The following DLGAP1 variants were observed in gnomAD, a reference collection of about 807,000 sequenced individuals.
DLGAP1 encodes disks large-associated protein 1.
In DLGAP1, 11 loss-of-function variants were observed where a neutral mutation model predicts 90.8. The ratio of observed to expected loss-of-function variants is 0.12; its 90% confidence interval spans 0.08 to 0.20. DLGAP1 has a LOEUF of 0.20. DLGAP1 is among the 10% of genes least tolerant of loss of function. DLGAP1 has a pLI of 1.00. For missense variants in DLGAP1, 1,050 were observed against 1,333.8 expected (o/e 0.79, Z 3.31); for synonymous variants, 558 against 540.7 (o/e 1.03, Z -0.44).
chr18:4,311,694 C>G (rs2080401527), intron 1 of DLGAP1, among the ~76,000 whole-genome samples: 1 of 152,008 alleles, frequency 6.6e-6, no homozygotes, highest in East Asian at 1.9e-4. Context: ...GATATGTGCT[C>G]CTCTAGATCC....
At chr18:4,003,575 G>T (rs1375185966) in intron 3 of DLGAP1, among the ~76,000 whole-genome samples, 2 of 151,826 alleles carry the variant, frequency 1.3e-5, no homozygotes, top group Admixed American at 1.3e-4. Context: ...GAGATAAAAG[G>T]TATTGAATGG....
chr18:4,299,716 A>C (rs1471766979), intron 1 of DLGAP1, among the ~76,000 whole-genome samples: 4 of 152,210 alleles, frequency 2.6e-5, no homozygotes, highest in Admixed American at 2.6e-4. Flanking sequence ...AAACAAACAA[A>C]ATACCAGAAG....
At chr18:3,562,467 A>G (rs1415426714) in intron 9 of DLGAP1, among the ~76,000 whole-genome samples, 2 of 150,310 alleles carry the variant, frequency 1.3e-5, no homozygotes, top group African/African-American at 4.9e-5. Context: ...TGTTCTCATG[A>G]TAACGAGTGG....
At chr18:4,076,554 T>G (rs969144952) in intron 2 of DLGAP1, among the ~76,000 whole-genome samples, 1 of 152,194 alleles carries the variant, frequency 6.6e-6, no homozygotes, top group East Asian at 1.9e-4. Flanking sequence ...TTAAATACTT[T>G]AATCTCATCA....
At chr18:3,716,977 A>C (rs1049787229) in intron 7 of DLGAP1, among the ~76,000 whole-genome samples, 1 of 151,094 alleles carries the variant, frequency 6.6e-6, no homozygotes, top group African/African-American at 2.4e-5. Flanking sequence ...AAAATTTAAA[A>C]ATTTTTTTAG....
chr18:3,860,038 G>T (rs1024061718), intron 4 of DLGAP1, among the ~76,000 whole-genome samples: 4 of 151,360 alleles, frequency 2.6e-5, no homozygotes, highest in Non-Finnish European at 5.9e-5. Flanking sequence ...GGTGGAGCTT[G>T]CAGTGAGCCG....
At chr18:3,771,956 T>C (rs1016563937) in intron 5 of DLGAP1, among the ~76,000 whole-genome samples, 1 of 152,224 alleles carries the variant, frequency 6.6e-6, no homozygotes, top group African/African-American at 2.4e-5. Context: ...TTCTGTGGCT[T>C]AAGCTGCAAG....
Position 3,581,926 on chromosome 18 carries a change from G to C in DLGAP1, c.1914C>G (p.Asp638Glu), listed in dbSNP as rs766896879. ...TTTIATVTTE[D>E]RKKDHFKKNR... Reference sequence around the variant, plus strand: ...TTTTCTTAAAGTGGTCCTTCTTCCTGTCCTCCGTGGTGACGGTGGCTATGG... The same window carrying C: ...TTTTCTTAAAGTGGTCCTTCTTCCTCTCCTCCGTGGTGACGGTGGCTATGG... The change falls in exon 8 of 13, where the codon GAC becomes GAG. Residue 638 changes from aspartate to glutamate, a missense_variant. This residue lies in a region of DLGAP1 where 565 missense variants were observed against 879.7 expected (regional missense o/e 0.64). Transcript: ENST00000315677. The C allele has an allele frequency of 6.8e-6, 11 of 1,614,058 alleles. No homozygotes were observed. The East Asian group carries it at 2.5e-4, about 36-fold the overall frequency.
intron 7 of DLGAP1, among the ~76,000 whole-genome samples, chr18:3,598,934 G>A (rs982657136): frequency 6.6e-5 from 10 of 151,348 alleles, no homozygotes; most frequent in Admixed American, 2.0e-4. Flanking sequence ...CACCACACCC[G>A]GCTAATGTTT....
chr18:4,098,638 C>T (rs963540507), intron 2 of DLGAP1, among the ~76,000 whole-genome samples: 1 of 152,066 alleles, frequency 6.6e-6, no homozygotes, highest in African/African-American at 2.4e-5. Flanking sequence ...ATTGAGAAAA[C>T]CGCCAATAGA....
intron 5 of DLGAP1, among the ~76,000 whole-genome samples, chr18:3,779,804 T>C (rs1311856361): frequency 6.6e-6 from 1 of 151,858 alleles, no homozygotes; most frequent in African/African-American, 2.4e-5. Flanking sequence ...CTTTTTTTTT[T>C]TGAGAGAGGG....
At chr18:3,663,977 T>C (rs1268439310) in intron 7 of DLGAP1, among the ~76,000 whole-genome samples, 2 of 152,164 alleles carry the variant, frequency 1.3e-5, no homozygotes, top group South Asian at 2.1e-4. Flanking sequence ...AAAGACAAAG[T>C]AAGAGAGAAT....
chr18:3,627,397 C>T (rs1412149285), intron 7 of DLGAP1, among the ~76,000 whole-genome samples: 4 of 152,054 alleles, frequency 2.6e-5, no homozygotes, highest in African/African-American at 9.7e-5. Flanking sequence ...TTGTTCAGTC[C>T]AATGTGTTGT....
intron 1 of DLGAP1, among the ~76,000 whole-genome samples, chr18:4,300,224 C>A (rs535114822): frequency 6.6e-6 from 1 of 152,190 alleles, no homozygotes; most frequent in Non-Finnish European, 1.5e-5. Flanking sequence ...TTATTTAATG[C>A]CATATGATTG....
In DLGAP1 at chr18:3,856,160, T is replaced by C. The variant is rs77366186; in HGVS notation, c.957+22952A>G. On this transcript the variant is annotated intron_variant, in intron 4 of 12. Coordinates refer to ENST00000315677, the MANE Select transcript of DLGAP1 (RefSeq NM_004746.4). ...CAGGAATTTTTCCTGAATAAACAAC[T>C]AGATGATTATTGAAGAGTTTGTAAC... 9.2e-5 allele frequency among the ~76,000 whole-genome samples: 14 copies of C among 152,172 alleles called. No individual in the cohort carries two copies. In the East Asian group the frequency reaches 1.3e-3, roughly 15 times the overall value.
chr18:4,419,168 G>A (rs2082972441), intron 1 of DLGAP1, among the ~76,000 whole-genome samples: 1 of 152,066 alleles, frequency 6.6e-6, no homozygotes, highest in African/African-American at 2.4e-5. Context: ...CCCAAGACTG[G>A]GCAAATTACA....
chr18:3,986,812 G>A (rs2073853495), intron 3 of DLGAP1, among the ~76,000 whole-genome samples: 1 of 152,120 alleles, frequency 6.6e-6, no homozygotes, highest in Non-Finnish European at 1.5e-5. Context: ...TACCCATCTG[G>A]TATGATTGTA....
chr18:3,729,451 T>C lies in DLGAP1; in HGVS notation c.1351-76A>G, dbSNP rs2062332962. 7 of 1,537,914 alleles carry C rather than the reference T, an allele frequency of 4.6e-6. No individual in the cohort carries two copies. In the South Asian group the frequency reaches 8.8e-5, roughly 19 times the overall value. The stretch of plus-strand genomic sequence containing the variant: ...CAACCTCTCCAAGCATCTGCGAACT[T>C]CAATCCCCAGAAGAAAAAGCAGCGT... On this transcript the variant is annotated intron_variant, in intron 6 of 12. Transcript: ENST00000315677. The surrounding 1 kb of genome is among the most constrained non-coding windows in gnomAD (Gnocchi z 6.2).
chr18:4,047,832 G>T (rs2075076379), intron 2 of DLGAP1, among the ~76,000 whole-genome samples: 1 of 152,208 alleles, frequency 6.6e-6, no homozygotes, highest in South Asian at 2.1e-4. Flanking sequence ...GGGTTGCTCT[G>T]TTGCCCTGGT....
Sources: allele counts gnomAD v4.1 joint callset (sites outside exome capture counted in the v4.1 genomes callset), GRCh38; gene constraint gnomAD v4.1.1; regional missense constraint gnomAD v4.1.1; non-coding constraint Gnocchi (gnomAD v3.1); transcripts MANE v1.5; gene names NCBI Gene and HGNC (gene_info 2026-07-23, HGNC 2026-07-21).